The following RIOK3 variants were observed in gnomAD, a reference collection of about 807,000 sequenced individuals.
RIOK3 encodes serine/threonine-protein kinase RIO3.
A neutral mutation model predicts 63.5 loss-of-function variants in RIOK3; 40 were observed. The observed-to-expected ratio is 0.63, with a 90% CI of 0.49 to 0.82. The LOEUF (loss-of-function observed/expected upper bound fraction) is 0.82, where lower values mean the gene tolerates loss of function less well. Ranked by LOEUF, RIOK3 falls within the 40% of genes least tolerant of loss-of-function variation. The probability of loss-of-function intolerance (pLI) is 0.00; values close to 1 mark genes in which losing one functional copy is unlikely to be tolerated. For missense variants in RIOK3, 557 were observed against 637.0 expected (o/e 0.87, Z 1.35); for synonymous variants, 193 against 205.0 (o/e 0.94, Z 0.50).
At chr18:23,460,872 A>G (rs1332849458) in intron 1 of RIOK3, among the ~76,000 whole-genome samples, 11 of 152,216 alleles carry the variant, frequency 7.2e-5, no homozygotes, top group Admixed American at 7.2e-4. Flanking sequence ...TCAATTACAG[A>G]TAAGCTCTGA....
At chr18:23,480,843 C>CTT (rs371826906) in intron 12 of RIOK3, among the ~76,000 whole-genome samples, 24 of 152,056 alleles carry the variant, frequency 1.6e-4, no homozygotes, top group Non-Finnish European at 3.4e-4. Context: ...TCCTAGCACT[C>CTT]TGAGAGGCCA....
At chr18:23,467,739 A>T (rs2057419407) in intron 7 of RIOK3, among the ~76,000 whole-genome samples, 1 of 151,700 alleles carries the variant, frequency 6.6e-6, no homozygotes, top group African/African-American at 2.4e-5. Flanking sequence ...TTTTGGGTAG[A>T]CTTCTCCAGT....
chr18:23,476,459 C>T (rs1340695096), intron 9 of RIOK3, among the ~76,000 whole-genome samples: 9 of 152,150 alleles, frequency 5.9e-5, no homozygotes, highest in Admixed American at 5.9e-4. Context: ...CCTTTCTCTG[C>T]CTCCAAAGGT....
At chr18:23,468,293 CTTTTT>C in intron 7 of RIOK3, among the ~76,000 whole-genome samples, 1 of 46,474 alleles carries the variant, frequency 2.2e-5, no homozygotes, top group East Asian at 6.8e-4. Context: ...CAATATACTC[CTTTTT>C]TTTTTTTTTT....
At chr18:23,466,888 G>C (rs960663133) in intron 6 of RIOK3, among the ~76,000 whole-genome samples, 1 of 151,756 alleles carries the variant, frequency 6.6e-6, no homozygotes, top group Non-Finnish European at 1.5e-5. Flanking sequence ...TTTAGTCCCA[G>C]CTGCTCAGGA....
In RIOK3 at chr18:23,467,381, G is replaced by A; in HGVS notation, c.688-18G>A. On this transcript the variant is annotated intron_variant, in intron 6 of 12. Coordinates refer to ENST00000339486, the MANE Select transcript of RIOK3 (RefSeq NM_003831.5). ...TGATTAGCAGTCATTTTCACTTACA[G>A]TGCTTTATCTCTTGCAGGAAAAAGC... 6.3e-7 allele frequency: 1 copy of A among 1,599,466 alleles called. No homozygotes were observed. Among genetic ancestry groups the A allele is most frequent in the Non-Finnish European group, 8.5e-7 (1 of 1,173,232 alleles).
intron 9 of RIOK3, among the ~76,000 whole-genome samples, chr18:23,476,376 T>C (rs1170805805): frequency 6.6e-6 from 1 of 152,172 alleles, no homozygotes; most frequent in African/African-American, 2.4e-5. Flanking sequence ...TGTCATGTAA[T>C]GCAGCCATTG....
In RIOK3 at chr18:23,481,484, T is replaced by C. The variant is rs1339938592; in HGVS notation, c.*205T>C. On this transcript the variant is annotated 3_prime_UTR_variant, in exon 13 of 13. Transcript: ENST00000339486. ...TAAAATGTCACTACCTCTCATCTTA[T>C]GAACAGGATAATATAATTCTTTAAC... 8.6e-6 allele frequency: 4 copies of C among 466,114 alleles called. No homozygotes were observed. The highest frequency in any genetic ancestry group is 1.5e-5 in the Non-Finnish European group (4 of 265,674). 28.9% of individuals were successfully genotyped at this position (466,114 alleles called of 1,614,324 possible).
At chr18:23,469,336 T>TCTCTCTCTCCCC (rs1489200436) in intron 7 of RIOK3, among the ~76,000 whole-genome samples, 1 of 14,544 alleles carries the variant, frequency 6.9e-5, no homozygotes, top group African/African-American at 3.5e-4. Flanking sequence ...TCTCTCTCTC[T>TCTCTCTCTCCCC]CCCCCTCTCT....
chr18:23,466,965 G>C (rs555610816), intron 6 of RIOK3, among the ~76,000 whole-genome samples: 137 of 151,752 alleles, frequency 9.0e-4, no homozygotes, highest in Middle Eastern at 3.4e-3. Context: ...TCATGTCACT[G>C]CATTCCATCC....
At chr18:23,465,745 A>G (rs572528044) in intron 5 of RIOK3, among the ~76,000 whole-genome samples, 76 of 152,380 alleles carry the variant, frequency 5.0e-4, no homozygotes, top group Non-Finnish European at 9.0e-4. Flanking sequence ...TGGTGTGAAC[A>G]TAGTCTGCTA....
In RIOK3 at chr18:23,479,360, A is replaced by G; in HGVS notation, c.1388A>G (p.Glu463Gly). 1 of 1,613,938 alleles carries G rather than the reference A, an allele frequency of 6.2e-7. No individual in the cohort carries two copies. The highest frequency in any genetic ancestry group is 1.1e-5 in the South Asian group (1 of 91,078). ...GTCAAGGAAGCCCTTAGTGAACGAG[A>G]ACTCTTCAATGCTGTTTCAGGCTTA... ...GGVKEALSERELFNAVSGLNI... is the reference protein window; with the variant it reads ...GGVKEALSERGLFNAVSGLNI... The change falls in exon 12 of 13, where the codon GAA becomes GGA. Residue 463 changes from glutamate (E) to glycine (G), a missense_variant. Glu to Gly is a moderately conservative substitution (Grantham distance 98). Coordinates refer to ENST00000339486, the MANE Select transcript of RIOK3 (RefSeq NM_003831.5).
chr18:23,475,462 CAA>C lies in RIOK3; in HGVS notation c.1173+372_1173+373del, dbSNP rs60717269. On this transcript the variant is annotated intron_variant, in intron 9 of 12. Coordinates refer to ENST00000339486, the MANE Select transcript of RIOK3 (RefSeq NM_003831.5). ...TGGGTGACAGAGTAAGACTCTGTCT[CAA>C]AAAAAAAAAAAAAAAATTAAAAATT... Among the ~76,000 whole-genome samples, 45 of 99,288 alleles carry C rather than the reference CAA, an allele frequency of 4.5e-4. 1 individual carries two copies. The highest frequency in any genetic ancestry group is 1.3e-3 in the African/African-American group (31 of 23,742). 65.1% of individuals were successfully genotyped at this position (99,288 alleles called of 152,430 possible).
rs969692657 is a variant in RIOK3 at position 23,453,361 on chromosome 18, C to A, written c.-79C>A. 27 of 1,219,664 alleles carry A rather than the reference C, an allele frequency of 2.2e-5. No individual in the cohort carries two copies. Among genetic ancestry groups the A allele is most frequent in the Non-Finnish European group, 3.1e-5 (26 of 826,248 alleles). The allele number at this position is 1,219,664 out of a possible 1,614,324, so 75.6% of individuals were successfully genotyped here. On this transcript the variant is annotated 5_prime_UTR_variant, in exon 1 of 13. Coordinates refer to ENST00000339486, the MANE Select transcript of RIOK3 (RefSeq NM_003831.5). ...GGCATCAGCAGCCAGTCGCCCGTGT[C>A]CCGCCTGTCTCCTCGGCGGAGCCTG...
chr18:23,469,328 TCTCTCTCTCCCC>T (rs2057433574), intron 7 of RIOK3, among the ~76,000 whole-genome samples: 3 of 27,774 alleles, frequency 1.1e-4, no homozygotes, highest in African/African-American at 5.3e-4. Flanking sequence ...TCTCTCTCTC[TCTCTCTCTCCCC>T]CTCTCTCCCC....
At chr18:23,477,109 A>G (rs975320962) in intron 10 of RIOK3, 23 bp downstream of exon 10, 4 of 1,612,582 alleles carry the variant, frequency 2.5e-6, no homozygotes, top group African/African-American at 2.7e-5. Context: ...TTTTGTTAAC[A>G]TTCAGATTTA....
intron 7 of RIOK3, among the ~76,000 whole-genome samples, chr18:23,472,420 C>G (rs2057462475): frequency 6.6e-6 from 1 of 152,194 alleles, no homozygotes; most frequent in African/African-American, 2.4e-5. Context: ...GATTCAGATT[C>G]TGTCCTTTGG....
chr18:23,479,042 G>A, intron 11 of RIOK3: 1 of 321,926 alleles, frequency 3.1e-6, no homozygotes. Context: ...AGTGGCTCAA[G>A]AGATCCTCCC....
intron 7 of RIOK3, among the ~76,000 whole-genome samples, chr18:23,472,031 G>A (rs994086161): frequency 1.3e-5 from 2 of 151,980 alleles, no homozygotes; most frequent in African/African-American, 2.4e-5. Context: ...TCAGGAGTTC[G>A]AGACCAGCCT....
Sources: allele counts gnomAD v4.1 joint callset (sites outside exome capture counted in the v4.1 genomes callset), GRCh38; gene constraint gnomAD v4.1.1; transcripts MANE v1.5; gene names NCBI Gene and HGNC (gene_info 2026-07-23, HGNC 2026-07-21).